Variants in VCAN observed in about 807,000 individuals in gnomAD.
VCAN encodes versican core protein.
Under a neutral mutation model 245.5 loss-of-function variants are expected in VCAN, and 44 were observed. The observed-to-expected ratio is 0.18, with a 90% CI of 0.14 to 0.23. The LOEUF (loss-of-function observed/expected upper bound fraction) is 0.23. Among genes scored for constraint, VCAN ranks in the 10% least tolerant of loss-of-function variants. VCAN has a pLI of 1.00. For missense variants in VCAN, 3,793 were observed against 4,057.9 expected (o/e 0.93, Z 1.77); for synonymous variants, 1,413 against 1,437.0 (o/e 0.98, Z 0.38).
intron 10 of VCAN, among the ~76,000 whole-genome samples, chr5:83,548,757 G>C (rs1433475976): frequency 1.3e-5 from 2 of 152,214 alleles, no homozygotes; most frequent in Non-Finnish European, 2.9e-5. Flanking sequence ...GCTTTGGAAT[G>C]TCGATTTCCT....
chr5:83,493,927 G>C lies in VCAN; in HGVS notation c.744G>C (p.Leu248=), dbSNP rs1389367270. The change falls in exon 5 of 15, where the codon CTG becomes CTC. Residue 248 remains leucine (L), a synonymous_variant. Coordinates refer to ENST00000265077, the MANE Select transcript of VCAN (RefSeq NM_004385.5). ...TYDVYCYVDH[L]DGDVFHLTVP... ...ATGTGTATTGTTATGTGGATCATCT[G>C]GATGGTAAGATGTTTGAGTTTCTAT... 6 of 1,613,926 alleles carry C rather than the reference G, an allele frequency of 3.7e-6. No homozygotes were observed. In the Admixed American group the frequency reaches 1.0e-4, roughly 27 times the overall value.
At position 83,537,294 on chromosome 5, in the gene VCAN, C is replaced by T. The variant is rs778762106; in HGVS notation, c.4291C>T (p.Arg1431Cys). 19 of 1,613,956 alleles carry T rather than the reference C, an allele frequency of 1.2e-5. No homozygotes were observed. Among genetic ancestry groups the T allele is most frequent in the East Asian group, 1.1e-4 (5 of 44,854 alleles). Residue 1431 changes from arginine (R) to cysteine (C), a missense_variant, in exon 8 of 15, where the codon CGT becomes TGT. By Grantham distance (180) the Arg-to-Cys change is radical. This residue lies in a region of VCAN where 3,182 missense variants were observed against 3,250.3 expected (regional missense o/e 0.98). Transcript: ENST00000265077. ...GGACCCAGAAGCTGCAGAAGCTAGGCGTGGCCAGTTTGAAAGTGTTGCACC... is the reference window on the plus strand; with the variant it reads ...GGACCCAGAAGCTGCAGAAGCTAGGTGTGGCCAGTTTGAAAGTGTTGCACC... The part of the protein sequence containing the change: ...PKDPEAAEAR[R>C]GQFESVAPSQ...
chr5:83,574,440 T>C (rs527402384), intron 13 of VCAN, among the ~76,000 whole-genome samples: 1 of 152,256 alleles, frequency 6.6e-6, no homozygotes, highest in South Asian at 2.1e-4. Flanking sequence ...TATAATAATT[T>C]CTCCTGACAT....
At position 83,538,186 on chromosome 5, in the gene VCAN, A is replaced by C. The variant is rs769603372; in HGVS notation, c.5183A>C (p.Glu1728Ala). 49 of 1,613,802 alleles carry C rather than the reference A, an allele frequency of 3.0e-5. No homozygotes were observed. Among genetic ancestry groups the C allele is most frequent in the Non-Finnish European group, 3.6e-5 (43 of 1,179,962 alleles). The change falls in exon 8 of 15, where the codon GAG becomes GCG. Residue 1728 changes from glutamate (E) to alanine (A), a missense_variant. Around this residue, in one of 5 missense-constraint regions of VCAN, gnomAD observed 3,182 missense variants for 3,250.3 expected, o/e 0.98. Transcript: ENST00000265077. ...TTVEEKKRKE[E>A]EGTTGTASTF... ...GTTGAGGAAAAGAAAAGGAAGGAGG[A>C]GGAGGGAACTACAGGTACGGCTTCT...
chr5:83,548,621 A>G (rs1378648221), intron 10 of VCAN, among the ~76,000 whole-genome samples: 3 of 152,192 alleles, frequency 2.0e-5, no homozygotes, highest in African/African-American at 7.2e-5. Flanking sequence ...TATGTTCATG[A>G]TGGCTTGAAT....
chr5:83,520,054 CA>C lies in VCAN; in HGVS notation c.1751del (p.Lys584ArgfsTer11), dbSNP rs777043078. The stretch of plus-strand genomic sequence containing the variant: ...CAAATTCCTGAAGTCATTACGGTGT[CA>C]AAGACTTCAGAAGACACCATCCACA... Reference protein sequence around the residue: ...FDQIPEVITVSKTSEDTIHTH... With the variant: ...FDQIPEVITVXKTSEDTIHTH... On this transcript the variant is annotated frameshift_variant, in exon 7 of 15. Transcript: ENST00000265077. LOFTEE classifies it high-confidence loss of function. 1 of 1,614,046 alleles carries C rather than the reference CA, an allele frequency of 6.2e-7. No homozygotes were observed. The highest frequency in any genetic ancestry group is 1.1e-5 in the South Asian group (1 of 91,072).
At chr5:83,532,266 G>A (rs1384507259) in intron 7 of VCAN, among the ~76,000 whole-genome samples, 2 of 152,014 alleles carry the variant, frequency 1.3e-5, no homozygotes, top group Non-Finnish European at 2.9e-5. Flanking sequence ...GACAGGAAAT[G>A]GGGATGAAGA....
At chr5:83,493,378 T>A (rs563061599) in intron 3 of VCAN, among the ~76,000 whole-genome samples, 168 bp from the exon 4 acceptor site, 1 of 152,310 alleles carries the variant, frequency 6.6e-6, no homozygotes, top group East Asian at 1.9e-4. Flanking sequence ...TTGGAGCCCC[T>A]CAAATCAACA....
In VCAN at chr5:83,490,114, C is replaced by A. The variant is rs1256229710; in HGVS notation, c.87C>A (p.Ser29Arg). The A allele has an allele frequency of 6.2e-7, 1 of 1,613,854 alleles. No individual in the cohort carries two copies. The highest frequency in any genetic ancestry group is 8.5e-7 in the Non-Finnish European group (1 of 1,180,024). The change falls in exon 3 of 15, where the codon AGC becomes AGA. Residue 29 changes from serine to arginine, a missense_variant. Ser to Arg is a moderately radical substitution (Grantham distance 110, BLOSUM62 -1). Around this residue, in one of 5 missense-constraint regions of VCAN, gnomAD observed 179 missense variants for 169.7 expected, o/e 1.05. Coordinates refer to ENST00000265077, the MANE Select transcript of VCAN (RefSeq NM_004385.5). ...TTCCTCTAGTCAAAGTGGGAAAAAG[C>A]CCACCGGTGAGGGGCTCCCTCTCTG... ...HALHKVKVGK[S>R]PPVRGSLSGK...
In VCAN at chr5:83,521,235, G is replaced by A; in HGVS notation, c.2929G>A (p.Val977Ile). 1 of 1,614,024 alleles carries A rather than the reference G, an allele frequency of 6.2e-7. No individual in the cohort carries two copies. The highest frequency in any genetic ancestry group is 8.5e-7 in the Non-Finnish European group (1 of 1,179,904). ...CTCTTCCCATACCATTCCTCTTTCT[G>A]TAATTCCCAAGACAGACTGGGGAGT... is the stretch of plus-strand genomic sequence containing the variant. Reference protein sequence around the residue: ...VDSSHTIPLSVIPKTDWGVLV... With the variant: ...VDSSHTIPLSIIPKTDWGVLV... Residue 977 changes from valine to isoleucine, a missense_variant, in exon 7 of 15, where the codon GTA (valine) becomes ATA (isoleucine). Val to Ile is a conservative substitution (Grantham distance 29). This residue lies in a region of VCAN where 3,182 missense variants were observed against 3,250.3 expected (regional missense o/e 0.98). Transcript: ENST00000265077.
At chr5:83,532,804 A>G (rs1188788298) in intron 7 of VCAN, among the ~76,000 whole-genome samples, 1 of 152,204 alleles carries the variant, frequency 6.6e-6, no homozygotes, top group Non-Finnish European at 1.5e-5. Flanking sequence ...TTACTTTCAG[A>G]AAAAGGAAAC....
At chr5:83,503,316 T>G (rs946917461) in intron 5 of VCAN, among the ~76,000 whole-genome samples, 1 of 152,198 alleles carries the variant, frequency 6.6e-6, no homozygotes, top group African/African-American at 2.4e-5. Flanking sequence ...ATTGTTGCTA[T>G]CACCTTGATA....
intron 12 of VCAN, chr5:83,562,461 G>A (rs1046772434): frequency 2.6e-5 from 4 of 151,972 alleles, no homozygotes; most frequent in Non-Finnish European, 5.9e-5. Flanking sequence ...TTGAACAGCT[G>A]GAAGAACCAT....
Position 83,520,970 on chromosome 5 carries a change from A to G in VCAN, c.2664A>G (p.Ser888=). 6.2e-7 allele frequency: 1 copy of G among 1,614,130 alleles called. No homozygotes were observed. The highest frequency in any genetic ancestry group is 8.5e-7 in the Non-Finnish European group (1 of 1,179,986). The change falls in exon 7 of 15, where the codon TCA becomes TCG. Residue 888 remains serine (S), a synonymous_variant. Coordinates refer to ENST00000265077, the MANE Select transcript of VCAN (RefSeq NM_004385.5). ...KFTIRFQPTT[S]TGIAEKSTLR... is the part of the protein sequence containing the mutation. ...CAATTAGATTTCAGCCAACTACATC[A>G]ACTGGTATTGCAGAAAAGTCAACTT...
At chr5:83,551,682 AG>A (rs1215033787) in intron 10 of VCAN, among the ~76,000 whole-genome samples, 1 of 152,178 alleles carries the variant, frequency 6.6e-6, no homozygotes, top group Non-Finnish European at 1.5e-5. Flanking sequence ...TCCATGGTTA[AG>A]GAAAGTTATG....
At chr5:83,559,685 C>G (rs1434616651) in intron 12 of VCAN, among the ~76,000 whole-genome samples, 1 of 152,138 alleles carries the variant, frequency 6.6e-6, no homozygotes, top group Non-Finnish European at 1.5e-5. Context: ...TCCACCCATC[C>G]TAACTCAGGC....
At chr5:83,542,462 A>G (rs557278773) in intron 8 of VCAN, among the ~76,000 whole-genome samples, 194 bp downstream of exon 8, 1 of 152,278 alleles carries the variant, frequency 6.6e-6, no homozygotes, top group South Asian at 2.1e-4. Context: ...TTAGTTTTGG[A>G]CTTTAGAAGT....
intron 7 of VCAN, among the ~76,000 whole-genome samples, chr5:83,528,082 T>C (rs1335266485): frequency 6.6e-6 from 1 of 152,160 alleles, no homozygotes; most frequent in Non-Finnish European, 1.5e-5. Flanking sequence ...AAAAGAAACA[T>C]AAACCATAGG....
At chr5:83,578,350 AG>A (rs1748552055) in intron 13 of VCAN, among the ~76,000 whole-genome samples, 1 of 152,050 alleles carries the variant, frequency 6.6e-6, no homozygotes, top group African/African-American at 2.4e-5. Context: ...GGATGGGAGG[AG>A]GGAGAAGATT....
Sources: gnomAD v4.1 joint callset for allele counts (sites outside exome capture counted in the v4.1 genomes callset) on GRCh38, gnomAD v4.1.1 for gene constraint, gnomAD v4.1.1 regional missense constraint, MANE v1.5 for transcripts, NCBI Gene and HGNC (gene_info 2026-07-23, HGNC 2026-07-21) for gene names.